The following CA10 variants were observed in gnomAD, a reference collection of about 807,000 sequenced individuals.
The protein encoded by CA10 is carbonic anhydrase-related protein 10.
A neutral mutation model predicts 44.2 loss-of-function variants in CA10; 14 were observed. The ratio of observed to expected loss-of-function variants is 0.32; its 90% CI spans 0.21 to 0.50. The LOEUF (loss-of-function observed/expected upper bound fraction) is 0.50, where lower values mean the gene tolerates loss of function less well. Among genes scored for constraint, CA10 ranks in the 20% least tolerant of loss-of-function variants. The pLI is 0.99. For missense variants in CA10, 350 were observed against 409.7 expected (o/e 0.85, Z 1.26); for synonymous variants, 159 against 141.6 (o/e 1.12, Z -0.87).
chr17:52,004,958 C>T (rs1985548041), intron 2 of CA10, among the ~76,000 whole-genome samples: 1 of 151,692 alleles, frequency 6.6e-6, no homozygotes, highest in Non-Finnish European at 1.5e-5. Context: ...ACTCTTTTTC[C>T]CCCTCAAGTC....
chr17:51,870,176 G>A (rs775492768), intron 3 of CA10, among the ~76,000 whole-genome samples: 19 of 152,246 alleles, frequency 1.2e-4, no homozygotes, highest in Non-Finnish European at 2.4e-4. Context: ...ATCAAAGCCA[G>A]TGATAGAATT....
intron 1 of CA10, among the ~76,000 whole-genome samples, chr17:52,131,916 A>G (rs937763569): frequency 3.3e-5 from 5 of 152,236 alleles, no homozygotes; most frequent in Admixed American, 3.3e-4. Flanking sequence ...TAGGACAAAA[A>G]ACCAAACACT....
chr17:51,913,085 C>G (rs1430547616), intron 3 of CA10, among the ~76,000 whole-genome samples: 3 of 152,184 alleles, frequency 2.0e-5, no homozygotes, highest in Non-Finnish European at 2.9e-5. Context: ...CTAAGTCTTC[C>G]TCCTGAATGG....
intron 2 of CA10, among the ~76,000 whole-genome samples, chr17:52,050,103 A>T (rs575905571): frequency 5.3e-5 from 8 of 152,076 alleles, no homozygotes; most frequent in Non-Finnish European, 1.0e-4. Context: ...CACATTTCTC[A>T]GAACATATCC....
At chr17:52,081,425 G>A (rs930721240) in intron 1 of CA10, among the ~76,000 whole-genome samples, 2 of 152,102 alleles carry the variant, frequency 1.3e-5, no homozygotes, top group African/African-American at 4.8e-5. Flanking sequence ...AAATGAGGCC[G>A]GACAATGTAA....
intron 3 of CA10, among the ~76,000 whole-genome samples, chr17:51,924,237 G>T (rs542802964): frequency 6.6e-6 from 1 of 152,240 alleles, no homozygotes; most frequent in East Asian, 1.9e-4. Context: ...TGTGGCCAAA[G>T]CACAGATCCC....
At chr17:51,736,900 G>A (rs1916931870) in intron 4 of CA10, among the ~76,000 whole-genome samples, 1 of 152,182 alleles carries the variant, frequency 6.6e-6, no homozygotes, top group Non-Finnish European at 1.5e-5. Context: ...GAATGATGCT[G>A]TGTCATATTT....
At chr17:51,775,194 C>T (rs574649033) in intron 3 of CA10, among the ~76,000 whole-genome samples, 1 of 152,294 alleles carries the variant, frequency 6.6e-6, no homozygotes, top group Admixed American at 6.5e-5. Flanking sequence ...CTCTGAAAGG[C>T]CTGCTCACAG....
chr17:51,701,124 T>C (rs895544890), intron 4 of CA10, among the ~76,000 whole-genome samples: 3 of 152,044 alleles, frequency 2.0e-5, no homozygotes, highest in Non-Finnish European at 4.4e-5. Context: ...GATATCAAGG[T>C]GCTGGCAGGG....
chr17:51,840,457 G>A (rs995909380), intron 3 of CA10, among the ~76,000 whole-genome samples: 3 of 147,666 alleles, frequency 2.0e-5, no homozygotes, highest in Non-Finnish European at 4.5e-5. Flanking sequence ...CTTGAACTCT[G>A]AACTCAATCC....
chr17:51,964,846 T>C (rs1003412551), intron 2 of CA10, among the ~76,000 whole-genome samples: 1 of 151,430 alleles, frequency 6.6e-6, no homozygotes, highest in Non-Finnish European at 1.5e-5. Flanking sequence ...TAGAGAAACC[T>C]GAAAAACAAG....
intron 4 of CA10, among the ~76,000 whole-genome samples, chr17:51,660,507 A>G (rs1451718326): frequency 6.6e-6 from 1 of 152,228 alleles, no homozygotes. Flanking sequence ...CTTCAGTTGC[A>G]CAGGTCTCAG....
rs183975268 is a variant in CA10 at position 51,875,165 on chromosome 17, G to T, written c.279+55825C>A. On this transcript the variant is annotated intron_variant, in intron 3 of 8. Transcript: ENST00000451037. The stretch of plus-strand genomic sequence containing the variant: ...ATTTCTAAATGTTTTTTAGAGATAG[G>T]GTCTCCCTATATTTCCCAGGAACCA... 9.5e-4 allele frequency among the ~76,000 whole-genome samples: 145 copies of T among 151,916 alleles called. 1 individual carries two copies. The highest frequency in any genetic ancestry group is 3.4e-3 in the African/African-American group (140 of 41,408).
At chr17:51,703,619 T>A (rs970429845) in intron 4 of CA10, among the ~76,000 whole-genome samples, 4 of 152,166 alleles carry the variant, frequency 2.6e-5, no homozygotes, top group African/African-American at 9.7e-5. Context: ...GACACTCAAG[T>A]AATATTTCAT....
intron 3 of CA10, among the ~76,000 whole-genome samples, chr17:51,890,759 A>G (rs990207905): frequency 4.6e-5 from 7 of 152,218 alleles, no homozygotes; most frequent in Admixed American, 1.3e-4. Flanking sequence ...GGCTCTGTAG[A>G]GGACTGAATT....
intron 2 of CA10, among the ~76,000 whole-genome samples, chr17:51,999,427 T>C (rs150384288): frequency 2.0e-5 from 3 of 152,176 alleles, no homozygotes; most frequent in Non-Finnish European, 2.9e-5. Flanking sequence ...AAGAGACATT[T>C]TGTGTGGGAC....
intron 5 of CA10, among the ~76,000 whole-genome samples, chr17:51,652,095 G>A (rs903383726): frequency 6.6e-6 from 1 of 152,136 alleles, no homozygotes; most frequent in Non-Finnish European, 1.5e-5. Flanking sequence ...AGCTCTATTG[G>A]AGAGGCATAG....
chr17:51,895,563 A>T (rs1004963364), intron 3 of CA10, among the ~76,000 whole-genome samples: 50 of 152,154 alleles, frequency 3.3e-4, no homozygotes, highest in African/African-American at 1.1e-3. Flanking sequence ...ACTTATAGTT[A>T]ATACTAAGTA....
At chr17:51,871,007 T>C (rs1027194447) in intron 3 of CA10, among the ~76,000 whole-genome samples, 6 of 151,846 alleles carry the variant, frequency 4.0e-5, no homozygotes, top group Admixed American at 2.6e-4. Context: ...TCTTCTCTTT[T>C]TCCACCCCTC....
Sources: gnomAD v4.1 joint callset for allele counts (sites outside exome capture counted in the v4.1 genomes callset) on GRCh38, gnomAD v4.1.1 for gene constraint, MANE v1.5 for transcripts, NCBI Gene and HGNC (gene_info 2026-07-23, HGNC 2026-07-21) for gene names.